The following CASR variants were observed in gnomAD, a reference collection of about 807,000 sequenced individuals.
The protein encoded by CASR is extracellular calcium-sensing receptor.
In CASR, 23 loss-of-function variants were observed where a neutral mutation model predicts 69.1. The ratio of observed to expected loss-of-function variants is 0.33; its 90% CI spans 0.24 to 0.47. The LOEUF (loss-of-function observed/expected upper bound fraction) is 0.47. Among genes scored for constraint, CASR ranks in the 20% least tolerant of loss-of-function variants. The pLI, the probability that CASR is intolerant of heterozygous loss-of-function variation, is 1.00. For synonymous variants in CASR, 541 were observed against 544.7 expected (o/e 0.99, Z 0.10); for missense variants, 924 against 1,356.1 (o/e 0.68, Z 5.00).
At chr3:122,241,193 A>G (rs995872534) in intron 1 of CASR, among the ~76,000 whole-genome samples, 2 of 152,102 alleles carry the variant, frequency 1.3e-5, no homozygotes, top group Admixed American at 1.3e-4. Context: ...CAGAGCAGAA[A>G]TAAATGAAAT....
At chr3:122,266,719 A>G (rs979163925) in intron 4 of CASR, among the ~76,000 whole-genome samples, 4 of 152,138 alleles carry the variant, frequency 2.6e-5, no homozygotes, top group African/African-American at 9.7e-5. Context: ...TTAAAAGCAA[A>G]AGAAGCCAGG....
chr3:122,236,168 C>A (rs2074327699), intron 1 of CASR, among the ~76,000 whole-genome samples: 1 of 152,204 alleles, frequency 6.6e-6, no homozygotes, highest in African/African-American at 2.4e-5. Context: ...TGGGTTTCCA[C>A]CATGTGTGAG....
intron 4 of CASR, among the ~76,000 whole-genome samples, chr3:122,264,354 C>A (rs902494187): frequency 6.6e-6 from 1 of 152,158 alleles, no homozygotes; most frequent in African/African-American, 2.4e-5. Flanking sequence ...TCCTTACTTC[C>A]CAAGATATCC....
intron 1 of CASR, among the ~76,000 whole-genome samples, chr3:122,199,485 G>A (rs1430718614): frequency 6.6e-6 from 1 of 152,128 alleles, no homozygotes; most frequent in African/African-American, 2.4e-5. Flanking sequence ...TATTGATTAA[G>A]AATGTAATTT....
rs1576881337 is a variant in CASR at position 122,290,057 on chromosome 3, T to A, written c.*4866T>A. On this transcript the variant is annotated 3_prime_UTR_variant, in exon 7 of 7. Coordinates refer to ENST00000639785, the MANE Select transcript of CASR (RefSeq NM_000388.4). ...GTGATTGCACCACTGCACTCCAGCC[T>A]GGGTGACAGAGCAAGACCCTGCCAA... is the stretch of plus-strand genomic sequence containing the variant. 7.3e-6 allele frequency: 1 copy of A among 137,622 alleles called. No homozygotes were observed. The allele number at this position is 137,622 out of a possible 1,614,324, so 8.5% of individuals were successfully genotyped here.
At chr3:122,188,198 A>G in intron 1 of CASR, among the ~76,000 whole-genome samples, 1 of 152,238 alleles carries the variant, frequency 6.6e-6, no homozygotes. Flanking sequence ...TAGAGACATT[A>G]TAACCATTTA....
At chr3:122,260,985 C>T (rs1445461329) in intron 3 of CASR, among the ~76,000 whole-genome samples, 2 of 152,036 alleles carry the variant, frequency 1.3e-5, no homozygotes, top group Non-Finnish European at 2.9e-5. Context: ...AAGGGAATTC[C>T]CGGGGACTCC....
intron 1 of CASR, among the ~76,000 whole-genome samples, chr3:122,195,027 C>G (rs998968734): frequency 2.0e-5 from 3 of 150,090 alleles, no homozygotes; most frequent in African/African-American, 4.9e-5. Context: ...CTCCTTTTTC[C>G]TCCTCCCTCT....
intron 1 of CASR, among the ~76,000 whole-genome samples, chr3:122,186,624 A>G (rs2073787160): frequency 6.6e-6 from 1 of 152,212 alleles, no homozygotes; most frequent in South Asian, 2.1e-4. Context: ...AGGAAAATAA[A>G]TATTGACTAT....
At chr3:122,274,876 A>G (rs1201918877) in intron 4 of CASR, among the ~76,000 whole-genome samples, 1 of 152,206 alleles carries the variant, frequency 6.6e-6, no homozygotes, top group African/African-American at 2.4e-5. Context: ...CTGGCCTCAC[A>G]TGAAAGATAA....
rs2074974131 is a variant in CASR at position 122,286,771 on chromosome 3, C to G, written c.*1580C>G. On this transcript the variant is annotated 3_prime_UTR_variant, in exon 7 of 7. Transcript: ENST00000639785. ...GCATCCAGGGAAGACCATCACCAGT[C>G]TAGCAGGAGGTTCTAAGCTGAGGCC... The G allele has an allele frequency of 1.3e-5, 2 of 152,262 alleles. No homozygotes were observed. Among genetic ancestry groups the G allele is most frequent in the African/African-American group, 2.4e-5 (1 of 41,466 alleles). 9.4% of individuals were successfully genotyped at this position (152,262 alleles called of 1,614,324 possible).
chr3:122,284,241 A>G lies in CASR; in HGVS notation c.2287A>G (p.Ile763Val). 1 of 1,614,092 alleles carries G rather than the reference A, an allele frequency of 6.2e-7. No homozygotes were observed. The highest frequency in any genetic ancestry group is 1.6e-4 in the Middle Eastern group (1 of 6,062). ...NQELEDEIIF[I>V]TCHEGSLMAL... ...GGAGCTGGAGGATGAGATCATCTTC[A>G]TCACGTGCCACGAGGGCTCCCTCAT... The change falls in exon 7 of 7, where the codon ATC (isoleucine) becomes GTC (valine). Residue 763 changes from isoleucine to valine, a missense_variant. Ile to Val is a conservative substitution (Grantham distance 29, BLOSUM62 3). This residue lies in a region of CASR where 184 missense variants were observed against 278.8 expected (regional missense o/e 0.66). Coordinates refer to ENST00000639785, the MANE Select transcript of CASR (RefSeq NM_000388.4).
At chr3:122,218,963 A>G (rs2074144836) in intron 1 of CASR, among the ~76,000 whole-genome samples, 1 of 152,212 alleles carries the variant, frequency 6.6e-6, no homozygotes, top group Non-Finnish European at 1.5e-5. Context: ...GAGCCAGTGA[A>G]AGAGCATTCT....
At chr3:122,216,099 T>C (rs907327091) in intron 1 of CASR, among the ~76,000 whole-genome samples, 1 of 152,224 alleles carries the variant, frequency 6.6e-6, no homozygotes, top group Non-Finnish European at 1.5e-5. Context: ...TTAAGCCCTA[T>C]ACAAATGTTA....
intron 1 of CASR, chr3:122,184,515 C>T (rs557821287): frequency 6.4e-6 from 1 of 155,516 alleles, no homozygotes; most frequent in South Asian, 2.0e-4. Context: ...CGAGGGAGCC[C>T]TGGCCGCGGC....
intron 1 of CASR, among the ~76,000 whole-genome samples, chr3:122,185,298 ATTCT>A (rs2073767290): frequency 6.6e-6 from 1 of 152,086 alleles, no homozygotes. Flanking sequence ...CCGTCTTTTG[ATTCT>A]TTATCCAGAA....
intron 1 of CASR, among the ~76,000 whole-genome samples, chr3:122,244,536 A>T (rs563287992): frequency 2.0e-5 from 3 of 152,318 alleles, no homozygotes; most frequent in Non-Finnish European, 4.4e-5. Flanking sequence ...AATTCTACTT[A>T]TATAAAGTTC....
At chr3:122,225,920 G>A (rs2074218205) in intron 1 of CASR, among the ~76,000 whole-genome samples, 1 of 152,196 alleles carries the variant, frequency 6.6e-6, no homozygotes. Flanking sequence ...CATATCCTTT[G>A]CAGCAACATG....
chr3:122,247,189 A>T (rs953865099), intron 1 of CASR: 1 of 152,194 alleles, frequency 6.6e-6, no homozygotes, highest in East Asian at 1.9e-4. Context: ...AAAGTGTCCC[A>T]TACCAAAATA....
Sources: allele counts gnomAD v4.1 joint callset (sites outside exome capture counted in the v4.1 genomes callset), GRCh38; gene constraint gnomAD v4.1.1; regional missense constraint gnomAD v4.1.1; transcripts MANE v1.5; gene names NCBI Gene and HGNC (gene_info 2026-07-23, HGNC 2026-07-21).